Variants in TDRD9 observed in about 807,000 individuals in gnomAD.
TDRD9 encodes the protein ATP-dependent RNA helicase TDRD9.
Under a neutral mutation model 172.6 loss-of-function variants are expected in TDRD9, and 124 were observed. That is an observed-to-expected ratio of 0.72 (90% CI 0.62 to 0.83). The LOEUF is 0.83. Ranked by LOEUF, TDRD9 falls within the 40% of genes least tolerant of loss-of-function variation. The probability of loss-of-function intolerance (pLI) is 0.00; values close to 1 mark genes in which losing one functional copy is unlikely to be tolerated. For synonymous variants in TDRD9, 619 were observed against 617.1 expected, an observed-to-expected ratio of 1.00 and a Z score of -0.05; for missense variants, 1,479 against 1,714.1, an observed-to-expected ratio of 0.86 and a Z score of 2.42.
At chr14:103,992,034 A>G (rs2033889014) in intron 9 of TDRD9, among the ~76,000 whole-genome samples, 1 of 152,214 alleles carries the variant, frequency 6.6e-6, no homozygotes, top group African/African-American at 2.4e-5. Flanking sequence ...GGTAACTGTC[A>G]TCAGTTTGCA....
At chr14:104,043,681 G>C (rs910585811) in intron 34 of TDRD9, among the ~76,000 whole-genome samples, 6 of 152,148 alleles carry the variant, frequency 3.9e-5, no homozygotes, top group Non-Finnish European at 7.4e-5. Flanking sequence ...CCCAAAACAA[G>C]GGTAACTGTA....
At position 104,005,340 on chromosome 14, in the gene TDRD9, C is replaced by T; in HGVS notation, c.1648C>T (p.Leu550=). 1 of 1,613,996 alleles carries T rather than the reference C, an allele frequency of 6.2e-7. No individual in the cohort carries two copies. The highest frequency in any genetic ancestry group is 8.5e-7 in the Non-Finnish European group (1 of 1,179,858). ...TGACATGGGTGAGCCGAGAGCTCTG[C>T]TGGCCACTGCCCTTTCCCCGCCTGG... ...LLDMGEPRAL[L]ATALSPPGLS... Residue 550 remains leucine (L), a synonymous_variant, in exon 15 of 36, where the codon CTG becomes TTG. Coordinates refer to ENST00000409874, the MANE Select transcript of TDRD9 (RefSeq NM_153046.3).
At position 104,040,264 on chromosome 14, in the gene TDRD9, C is replaced by A; in HGVS notation, c.3785C>A (p.Ala1262Asp). ...CGLGWNPATG[A>D]SILPEHDMEL... The stretch of plus-strand genomic sequence containing the variant: ...TTGGGGTGGAATCCAGCTACAGGGG[C>A]TTCCATACTGCCCGAGCACGACATG... The change falls in exon 33 of 36, where the codon GCT (alanine) becomes GAT (aspartate). Residue 1262 changes from alanine to aspartate, a missense_variant. Physicochemically the swap from Ala to Asp is moderately radical, Grantham distance 126. Transcript: ENST00000409874. The A allele has an allele frequency of 1.3e-6, 2 of 1,551,572 alleles. No individual in the cohort carries two copies. Among genetic ancestry groups the A allele is most frequent in the Non-Finnish European group, 1.7e-6 (2 of 1,146,840 alleles).
chr14:104,044,458 A>G (rs1355162747), intron 34 of TDRD9, among the ~76,000 whole-genome samples: 1 of 152,178 alleles, frequency 6.6e-6, no homozygotes, highest in Non-Finnish European at 1.5e-5. Context: ...CCCCCTGTCC[A>G]TTTACACGCA....
intron 24 of TDRD9, among the ~76,000 whole-genome samples, chr14:104,022,822 C>G (rs1393543402): frequency 6.6e-6 from 1 of 152,086 alleles, no homozygotes; most frequent in Non-Finnish European, 1.5e-5. Context: ...GCATCATCTC[C>G]TCACTGTGTG....
At chr14:103,929,604 C>G (rs965628857) in intron 1 of TDRD9, among the ~76,000 whole-genome samples, 4 of 151,888 alleles carry the variant, frequency 2.6e-5, no homozygotes, top group African/African-American at 9.7e-5. Context: ...ACTGCAATCT[C>G]CCCCTCCTAG....
At chr14:103,963,223 C>A in intron 3 of TDRD9, 47 bp downstream of exon 3, 2 of 1,321,116 alleles carry the variant, frequency 1.5e-6, no homozygotes, top group South Asian at 1.4e-5. Context: ...GAATACATGT[C>A]TGAGGCCCAA....
intron 8 of TDRD9, among the ~76,000 whole-genome samples, chr14:103,990,625 A>G (rs540513247): frequency 6.6e-6 from 1 of 152,334 alleles, no homozygotes; most frequent in Admixed American, 6.5e-5. Context: ...GTAAGCTCCA[A>G]AGAGCAAGGA....
intron 1 of TDRD9, among the ~76,000 whole-genome samples, chr14:103,937,851 G>C (rs10141985): frequency 6.6e-6 from 1 of 150,952 alleles, no homozygotes; most frequent in African/African-American, 2.5e-5. Context: ...TGAACATGTT[G>C]ATTTTCTTTT....
At chr14:103,941,950 A>G (rs916781886) in intron 1 of TDRD9, 5 of 457,008 alleles carry the variant, frequency 1.1e-5, no homozygotes, top group African/African-American at 4.1e-5. Flanking sequence ...CAGAGATAAC[A>G]TATAGACTGA....
intron 34 of TDRD9, among the ~76,000 whole-genome samples, chr14:104,043,756 A>G (rs929433738): frequency 2.0e-5 from 3 of 152,168 alleles, no homozygotes; most frequent in Non-Finnish European, 2.9e-5. Flanking sequence ...CAATAACTCT[A>G]GTGAATTTAT....
chr14:104,025,382 A>G (rs1054649634), intron 25 of TDRD9, among the ~76,000 whole-genome samples, 182 bp from the exon 26 acceptor site: 3 of 152,224 alleles, frequency 2.0e-5, no homozygotes, highest in East Asian at 3.8e-4. Flanking sequence ...TTAGTTCACC[A>G]GGGGACCCCC....
intron 5 of TDRD9, among the ~76,000 whole-genome samples, chr14:103,968,319 T>C (rs2032845067): frequency 6.6e-6 from 1 of 152,240 alleles, no homozygotes; most frequent in African/African-American, 2.4e-5. Context: ...CAGGGATTAT[T>C]TGCTTCATAA....
chr14:104,025,817 C>A, intron 26 of TDRD9, 41 bp downstream of exon 26: 1 of 1,468,728 alleles, frequency 6.8e-7, no homozygotes, highest in Non-Finnish European at 9.5e-7. Context: ...GGAAATGAGA[C>A]AGACAGACGT....
intron 25 of TDRD9, among the ~76,000 whole-genome samples, chr14:104,025,143 G>A (rs547752657): frequency 6.2e-4 from 95 of 152,178 alleles, no homozygotes; most frequent in African/African-American, 2.1e-3. Context: ...CACCATGCCC[G>A]GGTAATTTTT....
At position 104,018,210 on chromosome 14, in the gene TDRD9, A is replaced by G. The variant is rs1277308498; in HGVS notation, c.2432+18A>G. On this transcript the variant is annotated intron_variant, in intron 23 of 35. Transcript: ENST00000409874. Reference sequence around the variant, plus strand: ...GGTGCAAAGTAAGTATATTTTTGTAATCAACTGCAATTATGAAGGAGGCAT... The same window carrying G: ...GGTGCAAAGTAAGTATATTTTTGTAGTCAACTGCAATTATGAAGGAGGCAT... 7.2e-7 allele frequency: 1 copy of G among 1,392,428 alleles called. No individual in the cohort carries two copies. Among genetic ancestry groups the G allele is most frequent in the Non-Finnish European group, 1.0e-6 (1 of 993,628 alleles). The allele number at this position is 1,392,428 out of a possible 1,614,324, so 86.3% of individuals were successfully genotyped here. A position where few individuals can be genotyped will look rare whatever the true frequency, so the allele number is the denominator to read the frequency against.
chr14:103,951,546 A>G (rs1273850700), intron 1 of TDRD9, among the ~76,000 whole-genome samples: 1 of 152,186 alleles, frequency 6.6e-6, no homozygotes, highest in African/African-American at 2.4e-5. Context: ...TCTAAATATC[A>G]AAAAAGGGAA....
At chr14:103,941,484 T>TG (rs1323237965) in intron 1 of TDRD9, 1 of 1,535,258 alleles carries the variant, frequency 6.5e-7, no homozygotes, top group Non-Finnish European at 8.7e-7. Flanking sequence ...GATAGTTGTG[T>TG]GGGGATTCTG....
intron 20 of TDRD9, among the ~76,000 whole-genome samples, chr14:104,014,371 C>T (rs2034717287): frequency 6.6e-6 from 1 of 151,902 alleles, no homozygotes; most frequent in Non-Finnish European, 1.5e-5. Context: ...CCGCTGCCCT[C>T]CAGTCTCAGG....
Sources: allele counts gnomAD v4.1 joint callset (sites outside exome capture counted in the v4.1 genomes callset), GRCh38; gene constraint gnomAD v4.1.1; transcripts MANE v1.5; gene names NCBI Gene and HGNC (gene_info 2026-07-23, HGNC 2026-07-21).